The following CDH12 variants were observed in gnomAD, a reference collection of about 807,000 sequenced individuals.
CDH12 encodes cadherin-12.
In CDH12, 41 loss-of-function variants were observed where a neutral mutation model predicts 74.1. The ratio of observed to expected loss-of-function variants is 0.55; its 90% CI spans 0.43 to 0.72. The LOEUF (loss-of-function observed/expected upper bound fraction) is 0.72. CDH12 is among the 30% of genes least tolerant of loss of function. The probability of loss-of-function intolerance (pLI) is 0.00; values close to 1 mark genes in which losing one functional copy is unlikely to be tolerated. For synonymous variants in CDH12, 399 were observed against 355.0 expected (o/e 1.12, Z -1.39); for missense variants, 945 against 977.2 (o/e 0.97, Z 0.44).
At chr5:21,990,567 G>A (rs1442010716) in intron 5 of CDH12, among the ~76,000 whole-genome samples, 5 of 151,886 alleles carry the variant, frequency 3.3e-5, no homozygotes, top group Non-Finnish European at 7.4e-5. Flanking sequence ...AATAAGCCCA[G>A]TATAGCAATA....
At chr5:22,758,298 C>G (rs1018035954) in intron 1 of CDH12, among the ~76,000 whole-genome samples, 5 of 152,144 alleles carry the variant, frequency 3.3e-5, no homozygotes, top group Admixed American at 6.5e-5. Flanking sequence ...GAGATTGTTT[C>G]TAAACCACTT....
chr5:22,129,685 A>G (rs1047360244), intron 4 of CDH12, among the ~76,000 whole-genome samples: 1 of 152,044 alleles, frequency 6.6e-6, no homozygotes, highest in African/African-American at 2.4e-5. Flanking sequence ...TACGTGTTTA[A>G]TCGTTTTTTT....
chr5:22,388,830 G>C (rs2126410502), intron 3 of CDH12, among the ~76,000 whole-genome samples: 1 of 152,220 alleles, frequency 6.6e-6, no homozygotes, highest in Non-Finnish European at 1.5e-5. Flanking sequence ...CAATATTTGG[G>C]ATTATGGAAA....
chr5:21,854,665 A>C lies in CDH12; in HGVS notation c.646+6T>G. 3 of 1,439,686 alleles carry C rather than the reference A, an allele frequency of 2.1e-6. No homozygotes were observed. The highest frequency in any genetic ancestry group is 1.9e-4 in the Middle Eastern group (1 of 5,182). The allele number at this position is 1,439,686 out of a possible 1,614,324, so 89.2% of individuals were successfully genotyped here. A position where few individuals can be genotyped will look rare whatever the true frequency, so the allele number is the denominator to read the frequency against. On this transcript the variant is annotated splice_donor_region_variant and intron_variant, in intron 7 of 14. Coordinates refer to ENST00000382254, the MANE Select transcript of CDH12 (RefSeq NM_004061.5). ...GTGATAATGTTGCCTCTAATAAAAAATTTACCTGTCTTGGGATCAATAGAG... is the reference window on the plus strand; with the variant it reads ...GTGATAATGTTGCCTCTAATAAAAACTTTACCTGTCTTGGGATCAATAGAG...
intron 8 of CDH12, among the ~76,000 whole-genome samples, chr5:21,840,415 C>A (rs1749771662): frequency 6.9e-6 from 1 of 144,692 alleles, no homozygotes. Context: ...AAATGTTCAA[C>A]CCTGAAGATT....
chr5:21,769,745 T>G (rs1329036133), intron 11 of CDH12, among the ~76,000 whole-genome samples: 3 of 152,154 alleles, frequency 2.0e-5, no homozygotes, highest in Non-Finnish European at 4.4e-5. Context: ...TCTCATGCTA[T>G]TCTTCGTAGT....
At chr5:22,319,810 A>G (rs1561309988) in intron 3 of CDH12, among the ~76,000 whole-genome samples, 1 of 151,666 alleles carries the variant, frequency 6.6e-6, no homozygotes, top group Non-Finnish European at 1.5e-5. Context: ...AAGTGGGAAG[A>G]GGGAGGGGGA....
At chr5:22,786,224 A>T (rs2126365928) in intron 1 of CDH12, among the ~76,000 whole-genome samples, 1 of 152,328 alleles carries the variant, frequency 6.6e-6, no homozygotes. Context: ...ACAGAAAAAC[A>T]AATTTTTCAT....
chr5:22,280,631 G>C (rs991976297), intron 3 of CDH12, among the ~76,000 whole-genome samples: 21 of 152,136 alleles, frequency 1.4e-4, no homozygotes, highest in African/African-American at 4.8e-4. Flanking sequence ...AGGAGAAATT[G>C]ATAAATTCCT....
At chr5:21,902,914 T>C (rs1397305841) in intron 6 of CDH12, among the ~76,000 whole-genome samples, 2 of 152,092 alleles carry the variant, frequency 1.3e-5, no homozygotes, top group Non-Finnish European at 2.9e-5. Context: ...AGACGAAGAA[T>C]TGAGCCCATG....
chr5:22,211,613 G>T (rs1751548212), intron 4 of CDH12, among the ~76,000 whole-genome samples: 1 of 151,754 alleles, frequency 6.6e-6, no homozygotes. Flanking sequence ...TACCTTTCTA[G>T]ATATTTTTAA....
chr5:22,774,596 G>A (rs1429270394), intron 1 of CDH12, among the ~76,000 whole-genome samples: 1 of 152,094 alleles, frequency 6.6e-6, no homozygotes, highest in Non-Finnish European at 1.5e-5. Flanking sequence ...TTTCAAAAGA[G>A]GAGTTCCCCT....
chr5:22,833,959 T>G (rs1342067659), intron 1 of CDH12, among the ~76,000 whole-genome samples: 1 of 152,150 alleles, frequency 6.6e-6, no homozygotes, highest in Non-Finnish European at 1.5e-5. Context: ...AGCTTTGTTT[T>G]GAACCAAAGG....
At chr5:22,163,856 T>C (rs1748506198) in intron 4 of CDH12, among the ~76,000 whole-genome samples, 1 of 152,226 alleles carries the variant, frequency 6.6e-6, no homozygotes, top group African/African-American at 2.4e-5. Context: ...ATCTCACTGT[T>C]ATGTCTCTTT....
At position 21,783,397 on chromosome 5, in the gene CDH12, T is replaced by C. The variant is rs772104809; in HGVS notation, c.1354A>G (p.Thr452Ala). ...ATTATGGAGAAATTATACTGCGCAG[T>C]GCTTTCTCTGTCTAGTAATTCATTA... ...ATNELLDRESTAQYNFSIIAS... is the reference protein window; with the variant it reads ...ATNELLDRESAAQYNFSIIAS... Residue 452 changes from threonine to alanine, a missense_variant, in exon 11 of 15, where the codon ACT becomes GCT. Physicochemically the swap from Thr to Ala is moderately conservative, Grantham distance 58 (BLOSUM62 0). Transcript: ENST00000382254. 6.2e-7 allele frequency: 1 copy of C among 1,613,224 alleles called. No individual in the cohort carries two copies. The highest frequency in any genetic ancestry group is 8.5e-7 in the Non-Finnish European group (1 of 1,179,228).
intron 3 of CDH12, among the ~76,000 whole-genome samples, chr5:22,278,403 A>G (rs71609289): frequency 6.6e-6 from 1 of 152,186 alleles, no homozygotes; most frequent in Admixed American, 6.5e-5. Flanking sequence ...AATAAATGAG[A>G]CAACATAGAC....
chr5:22,167,993 C>T (rs1332324021), intron 4 of CDH12, among the ~76,000 whole-genome samples: 6 of 152,034 alleles, frequency 3.9e-5, no homozygotes, highest in East Asian at 3.9e-4. Flanking sequence ...CCTCTCAATA[C>T]GTGTAACTGC....
chr5:22,570,679 AATG>A (rs1739497167), intron 1 of CDH12, among the ~76,000 whole-genome samples: 1 of 110,904 alleles, frequency 9.0e-6, no homozygotes, highest in Non-Finnish European at 2.1e-5. Context: ...GTGAATTTGA[AATG>A]ATATTTGAAA....
intron 4 of CDH12, among the ~76,000 whole-genome samples, chr5:22,153,858 GTATATA>G (rs1208832724): frequency 0.032 from 3,236 of 102,336 alleles, 69 homozygotes; most frequent in Non-Finnish European, 0.043. Context: ...ATGTGTGTGT[GTATATA>G]TATATATGTA....
Sources: gnomAD v4.1 joint callset for allele counts (sites outside exome capture counted in the v4.1 genomes callset) on GRCh38, gnomAD v4.1.1 for gene constraint, MANE v1.5 for transcripts, NCBI Gene and HGNC (gene_info 2026-07-23, HGNC 2026-07-21) for gene names.